Variants in RAB40C observed in about 807,000 individuals in gnomAD.
RAB40C encodes the protein ras-related protein Rab-40C.
RAB40C carries 8 observed loss-of-function variants against 28.1 expected under a neutral mutation model. That is an observed-to-expected ratio of 0.28 (90% CI 0.17 to 0.51). The LOEUF is 0.51. Ranked by LOEUF, RAB40C falls within the 20% of genes least tolerant of loss-of-function variation. RAB40C has a pLI of 0.97. For synonymous variants in RAB40C, 201 were observed against 171.7 expected (o/e 1.17, Z -1.34); for missense variants, 288 against 405.9 (o/e 0.71, Z 2.50).
Position 627,757 on chromosome 16 carries a change from C to A in RAB40C, c.*135C>A. ...TCAGAAGCGCCGGGCTTTCCTCACACCTGAGCCGGGTGCGAGGAGGAGCAT... is the reference window on the plus strand; with the variant it reads ...TCAGAAGCGCCGGGCTTTCCTCACAACTGAGCCGGGTGCGAGGAGGAGCAT... On this transcript the variant is annotated 3_prime_UTR_variant, in exon 6 of 6. Transcript: ENST00000248139. The A allele has an allele frequency of 1.7e-6, 2 of 1,170,938 alleles. No individual in the cohort carries two copies. The highest frequency in any genetic ancestry group is 2.3e-6 in the Non-Finnish European group (2 of 866,890). 72.5% of individuals were successfully genotyped at this position (1,170,938 alleles called of 1,614,324 possible).
At chr16:620,951 G>A (rs1378443172) in intron 3 of RAB40C, among the ~76,000 whole-genome samples, 4 of 152,226 alleles carry the variant, frequency 2.6e-5, no homozygotes, top group Admixed American at 6.5e-5. Flanking sequence ...GAAAAAAGCA[G>A]TTCATAAGCT....
At chr16:618,454 G>A (rs2036636049) in intron 3 of RAB40C, among the ~76,000 whole-genome samples, 194 bp downstream of exon 3, 1 of 152,224 alleles carries the variant, frequency 6.6e-6, no homozygotes, top group Admixed American at 6.5e-5. Flanking sequence ...CAGTGGCACA[G>A]TCTCGGCTCA....
At chr16:626,249 G>A in intron 5 of RAB40C, 128 bp downstream of exon 5, 1 of 900,508 alleles carries the variant, frequency 1.1e-6, no homozygotes. Context: ...GCGCAGTAGG[G>A]GCTCGGCCGG....
intron 1 of RAB40C, among the ~76,000 whole-genome samples, chr16:597,175 G>A (rs1214962828): frequency 2.6e-5 from 4 of 152,094 alleles, no homozygotes; most frequent in African/African-American, 9.7e-5. Context: ...GTGATGAGGT[G>A]GGTGGTGGCA....
At chr16:601,813 A>C (rs1323559340) in intron 1 of RAB40C, among the ~76,000 whole-genome samples, 1 of 130,292 alleles carries the variant, frequency 7.7e-6, no homozygotes, top group Non-Finnish European at 1.6e-5. Flanking sequence ...TGCAAAAAAA[A>C]GTAAAAAAAA....
intron 1 of RAB40C, among the ~76,000 whole-genome samples, chr16:602,255 T>G (rs2036268117): frequency 6.6e-6 from 1 of 151,798 alleles, no homozygotes; most frequent in African/African-American, 2.4e-5. Flanking sequence ...TCTGTTTTTT[T>G]TTTTTTGGTT....
intron 1 of RAB40C, among the ~76,000 whole-genome samples, chr16:597,892 G>A (rs2036163605): frequency 7.2e-6 from 1 of 139,596 alleles, no homozygotes; most frequent in South Asian, 2.5e-4. Context: ...CTGGAGCCCA[G>A]GAGTTTGAGG....
At chr16:624,227 G>C (rs748372419) in intron 3 of RAB40C, 158 of 985,444 alleles carry the variant, frequency 1.6e-4, no homozygotes, top group Non-Finnish European at 1.6e-4. Flanking sequence ...ACTAGGGAGA[G>C]TGGGCTGTGT....
intron 1 of RAB40C, among the ~76,000 whole-genome samples, chr16:593,953 G>A (rs564309231): frequency 2.0e-5 from 3 of 152,296 alleles, no homozygotes; most frequent in Middle Eastern, 3.4e-3. Flanking sequence ...TGCACGCGGC[G>A]GGGAGGAGAA....
Position 613,963 on chromosome 16 carries a change from G to A in RAB40C, c.143-3245G>A, listed in dbSNP as rs117736707. On this transcript the variant is annotated intron_variant, in intron 1 of 5. Transcript: ENST00000248139. ...CACGCAGCTCGGGAAGCACACAGTC[G>A]GCGCAGATGCTTCCAAAATGTCTGC... Among the ~76,000 whole-genome samples, 272 of 152,304 alleles carry A rather than the reference G, an allele frequency of 1.8e-3. 1 individual carries two copies. Among genetic ancestry groups the A allele is most frequent in the Non-Finnish European group, 1.8e-3 (121 of 68,028 alleles).
At chr16:601,815 T>TAAAAAAAAAAAAAAAAAAAAAAA (rs60094426) in intron 1 of RAB40C, among the ~76,000 whole-genome samples, 2 of 27,200 alleles carry the variant, frequency 7.4e-5, no homozygotes, top group Non-Finnish European at 1.4e-4. Flanking sequence ...CAAAAAAAAG[T>TAAAAAAAAAAAAAAAAAAAAAAA]AAAAAAAAAA....
At chr16:598,621 A>G (rs901367448) in intron 1 of RAB40C, among the ~76,000 whole-genome samples, 2 of 151,596 alleles carry the variant, frequency 1.3e-5, no homozygotes, top group African/African-American at 4.8e-5. Context: ...GCACGTCTGT[A>G]GTCCCAATTA....
intron 1 of RAB40C, among the ~76,000 whole-genome samples, chr16:605,025 T>G (rs907617702): frequency 1.3e-5 from 2 of 151,990 alleles, no homozygotes; most frequent in Admixed American, 1.3e-4. Flanking sequence ...GCCACTGCAC[T>G]CCAGCCTGGG....
chr16:613,658 C>T (rs1348233821), intron 1 of RAB40C, among the ~76,000 whole-genome samples: 2 of 152,174 alleles, frequency 1.3e-5, no homozygotes, highest in African/African-American at 2.4e-5. Context: ...TATTCAAGTC[C>T]TTTGCCCTTT....
intron 1 of RAB40C, among the ~76,000 whole-genome samples, chr16:613,657 C>T (rs2036528515): frequency 6.6e-6 from 1 of 152,300 alleles, no homozygotes; most frequent in East Asian, 1.9e-4. Flanking sequence ...CTATTCAAGT[C>T]CTTTGCCCTT....
chr16:598,829 C>G (rs915460297), intron 1 of RAB40C, among the ~76,000 whole-genome samples: 1 of 152,160 alleles, frequency 6.6e-6, no homozygotes, highest in Non-Finnish European at 1.5e-5. Context: ...GTACAGCGGC[C>G]GGATGTAAGA....
rs1015313465 is a variant in RAB40C at position 591,596 on chromosome 16, C to CT, written c.142+1177dup. 5.8e-3 allele frequency among the ~76,000 whole-genome samples: 844 copies of CT among 144,486 alleles called. 1 individual carries two copies. The highest frequency in any genetic ancestry group is 8.8e-3 in the East Asian group (44 of 5,006). The allele number at this position is 144,486 out of a possible 152,430, so 94.8% of individuals were successfully genotyped here. A position where few individuals can be genotyped will look rare whatever the true frequency, so the allele number is the denominator to read the frequency against. ...TGTTTTGTTTTCTTTTCTTTTCTTT[C>CT]TTTTTTTTTTTTTTGAGACGGAGTC... is the stretch of plus-strand genomic sequence containing the variant. On this transcript the variant is annotated intron_variant, in intron 1 of 5. Coordinates refer to ENST00000248139, the MANE Select transcript of RAB40C (RefSeq NM_021168.5).
In RAB40C at chr16:618,206, G is replaced by A. The variant is rs200719024; in HGVS notation, c.210G>A (p.Thr70=). Residue 70 remains threonine (T), a synonymous_variant, in exon 3 of 6, where the codon ACG becomes ACA. Coordinates refer to ENST00000248139, the MANE Select transcript of RAB40C (RefSeq NM_021168.5). ...CCCTCCCCGTATGTTTCAGGGACAC[G>A]TCGGGCCAGGGCCGGTTCTGCACCA... The part of the protein sequence containing the change: ...GRRVKLELWD[T]SGQGRFCTIF... The A allele has an allele frequency of 4.9e-5, 79 of 1,613,266 alleles. No homozygotes were observed. Among genetic ancestry groups the A allele is most frequent in the Non-Finnish European group, 6.5e-5 (77 of 1,179,850 alleles).
In RAB40C at chr16:611,615, G is replaced by A. The variant is rs571204467; in HGVS notation, c.143-5593G>A. 3.9e-5 allele frequency among the ~76,000 whole-genome samples: 6 copies of A among 151,968 alleles called. No individual in the cohort carries two copies. The East Asian group carries it at 9.7e-4, about 25-fold the overall frequency. ...GTGCACGGGACAGCCGCCCTGGCCT[G>A]TAGAATCAAGAGCAGGGACAGCCGC... On this transcript the variant is annotated intron_variant, in intron 1 of 5. Transcript: ENST00000248139.
Sources: allele counts gnomAD v4.1 joint callset (sites outside exome capture counted in the v4.1 genomes callset), GRCh38; gene constraint gnomAD v4.1.1; transcripts MANE v1.5; gene names NCBI Gene and HGNC (gene_info 2026-07-23, HGNC 2026-07-21).